The following TBC1D19 variants were observed in gnomAD, a reference collection of about 807,000 sequenced individuals.
TBC1D19 encodes TBC1 domain family, member 19.
A neutral mutation model predicts 89.0 loss-of-function variants in TBC1D19; 60 were observed. The ratio of observed to expected loss-of-function variants is 0.67; its 90% CI spans 0.55 to 0.84. The LOEUF is 0.84. Ranked by LOEUF, TBC1D19 falls within the 40% of genes least tolerant of loss-of-function variation. The pLI is 0.00. For synonymous variants in TBC1D19, 189 were observed against 199.7 expected, an observed-to-expected ratio of 0.95 and a Z score of 0.45; for missense variants, 500 against 610.8, an observed-to-expected ratio of 0.82 and a Z score of 1.91.
At chr4:26,774,145 A>G in the TBC1D19 span, among the ~76,000 whole-genome samples, 1 of 152,184 alleles carries the variant, frequency 6.6e-6, no homozygotes, top group African/African-American at 2.4e-5. Context: ...CATTGAGACC[A>G]TTCCCCACAG....
chr4:26,735,441 C>CTT lies in TBC1D19; in HGVS notation c.1085-4_1085-3dup, dbSNP rs33992685. ...CCTACTACTTATTGAAAAGAAATAC[C>CTT]TTTTTTTTTTTAGGTGTTATCCCTT... On this transcript the variant is annotated splice_polypyrimidine_tract_variant and intron_variant, in intron 15 of 20. Transcript: ENST00000264866. 38,539 of 1,070,306 alleles carry CTT rather than the reference C, an allele frequency of 0.036. 2 individuals carry two copies. Among genetic ancestry groups the CTT allele is most frequent in the South Asian group, 0.043 (2,448 of 56,954 alleles). 66.3% of individuals were successfully genotyped at this position (1,070,306 alleles called of 1,614,324 possible).
intron 8 of TBC1D19, among the ~76,000 whole-genome samples, chr4:26,660,648 T>G (rs1745168455): frequency 6.6e-6 from 1 of 152,138 alleles, no homozygotes; most frequent in South Asian, 2.1e-4. Context: ...TTCCTGTATG[T>G]AGGAGTCAGC....
intron 16 of TBC1D19, 53 bp downstream of exon 16, chr4:26,735,540 T>G: frequency 7.0e-7 from 1 of 1,423,470 alleles, no homozygotes; most frequent in South Asian, 1.4e-5. Context: ...CAATGTTATC[T>G]GTCAATTTAA....
intron 17 of TBC1D19, chr4:26,740,719 T>C (rs557017661): frequency 1.0e-6 from 1 of 985,404 alleles, no homozygotes; most frequent in African/African-American, 1.7e-5. Context: ...GTGGGTAACA[T>C]GACTGCTACT....
At chr4:26,846,960 C>A in the TBC1D19 span, among the ~76,000 whole-genome samples, 1 of 152,114 alleles carries the variant, frequency 6.6e-6, no homozygotes, top group Non-Finnish European at 1.5e-5. Context: ...TGGATTTCAA[C>A]CCTTTAATCT....
the TBC1D19 span, among the ~76,000 whole-genome samples, chr4:26,812,177 C>T: frequency 1.1e-3 from 174 of 152,242 alleles, no homozygotes; most frequent in African/African-American, 4.0e-3. This position sits in a 1 kb window ranked among gnomAD's most constrained non-coding sequence, Gnocchi z 4.2. Context: ...TGGGAGGCAG[C>T]GAGGAAGATG....
intron 4 of TBC1D19, among the ~76,000 whole-genome samples, chr4:26,621,715 C>T (rs1376122362): frequency 1.3e-5 from 2 of 151,890 alleles, no homozygotes; most frequent in African/African-American, 4.8e-5. Context: ...ATTTCTATCT[C>T]TAGGTGGTAT....
intron 15 of TBC1D19, among the ~76,000 whole-genome samples, chr4:26,723,106 G>C (rs1717081157): frequency 2.0e-5 from 3 of 152,188 alleles, no homozygotes; most frequent in African/African-American, 7.2e-5. Context: ...TCCTTAATGA[G>C]ATAAGCCCAC....
the TBC1D19 span, among the ~76,000 whole-genome samples, chr4:26,775,466 CAAAG>C: frequency 1.3e-5 from 2 of 152,060 alleles, no homozygotes; most frequent in Non-Finnish European, 2.9e-5. Context: ...AAGAAAGAAA[CAAAG>C]AAATTTAATT....
chr4:26,594,769 T>C (rs775345177), intron 1 of TBC1D19, among the ~76,000 whole-genome samples: 1 of 152,184 alleles, frequency 6.6e-6, no homozygotes, highest in Non-Finnish European at 1.5e-5. Context: ...CCGGTGCACC[T>C]AAATAATAAA....
chr4:26,846,246 T>C, the TBC1D19 span, among the ~76,000 whole-genome samples: 7 of 152,244 alleles, frequency 4.6e-5, no homozygotes, highest in Non-Finnish European at 7.3e-5. Context: ...AAATGGATTG[T>C]ACACATTCAG....
chr4:26,608,580 T>C (rs1375367936), intron 1 of TBC1D19, among the ~76,000 whole-genome samples: 1 of 152,202 alleles, frequency 6.6e-6, no homozygotes, highest in Non-Finnish European at 1.5e-5. Context: ...CTAGGAGGTA[T>C]AGCAACCTTA....
intron 1 of TBC1D19, 146 bp downstream of exon 1, chr4:26,584,438 CAAAAACAAAAACA>C: frequency 2.8e-6 from 2 of 704,824 alleles, no homozygotes. Context: ...AAAACAAAAA[CAAAAACAAAAACA>C]AAAACAAAAC....
intron 7 of TBC1D19, among the ~76,000 whole-genome samples, chr4:26,653,543 G>C (rs1295381292): frequency 6.6e-6 from 1 of 152,144 alleles, no homozygotes; most frequent in African/African-American, 2.4e-5. Context: ...CTTGCTTTAT[G>C]AATCTGGTTG....
chr4:26,719,809 T>G (rs1716861304), intron 14 of TBC1D19, among the ~76,000 whole-genome samples: 1 of 152,158 alleles, frequency 6.6e-6, no homozygotes, highest in Admixed American at 6.6e-5. Flanking sequence ...CTTCTCTTCT[T>G]AAGTGCCTAA....
chr4:26,750,108 A>T lies in TBC1D19; in HGVS notation c.1435+1582A>T, dbSNP rs993092602. ...CTCGTGGCCCATTTCATTTCTGGATAATATGGCTCATTACATGTACCCCTA... is the reference window on the plus strand; with the variant it reads ...CTCGTGGCCCATTTCATTTCTGGATTATATGGCTCATTACATGTACCCCTA... On this transcript the variant is annotated intron_variant, in intron 19 of 20. Coordinates refer to ENST00000264866, the MANE Select transcript of TBC1D19 (RefSeq NM_018317.4). 2.0e-5 allele frequency among the ~76,000 whole-genome samples: 3 copies of T among 152,318 alleles called. No homozygotes were observed. In the East Asian group the frequency reaches 5.8e-4, roughly 29 times the overall value.
At chr4:26,713,393 A>T (rs1468437973) in intron 13 of TBC1D19, among the ~76,000 whole-genome samples, 1 of 151,996 alleles carries the variant, frequency 6.6e-6, no homozygotes, top group East Asian at 1.9e-4. Flanking sequence ...AATAGTATTT[A>T]TCTGAAACCA....
intron 13 of TBC1D19, chr4:26,702,209 C>T (rs1435428873): frequency 1.3e-5 from 2 of 152,116 alleles, no homozygotes; most frequent in African/African-American, 4.8e-5. Flanking sequence ...ATGTAAGTGA[C>T]TTACATGCAA....
chr4:26,699,905 C>G (rs1247750591), intron 13 of TBC1D19, among the ~76,000 whole-genome samples: 1 of 151,842 alleles, frequency 6.6e-6, no homozygotes, highest in African/African-American at 2.4e-5. Context: ...GGAGATATAC[C>G]TAATGTAAAT....
Sources: gnomAD v4.1 joint callset for allele counts (sites outside exome capture counted in the v4.1 genomes callset) on GRCh38, gnomAD v4.1.1 for gene constraint, Gnocchi (gnomAD v3.1) non-coding constraint, MANE v1.5 for transcripts, NCBI Gene and HGNC (gene_info 2026-07-23, HGNC 2026-07-21) for gene names.